The following ST8SIA2 variants were observed in gnomAD, a reference collection of about 807,000 sequenced individuals.
ST8SIA2 encodes ST8 alpha-N-acetyl-neuraminide alpha-2,8-sialyltransferase 2.
ST8SIA2 carries 22 observed loss-of-function variants against 37.6 expected under a neutral mutation model. The ratio of observed to expected loss-of-function variants is 0.58; its 90% CI spans 0.42 to 0.83. ST8SIA2 has a LOEUF of 0.83. Ranked by LOEUF, ST8SIA2 falls within the 40% of genes least tolerant of loss-of-function variation. The probability of loss-of-function intolerance (pLI) is 0.00; values close to 1 mark genes in which losing one functional copy is unlikely to be tolerated. For missense variants in ST8SIA2, 382 were observed against 484.7 expected (o/e 0.79, Z 1.99); for synonymous variants, 205 against 201.2 (o/e 1.02, Z -0.16).
rs75418327 is a variant in ST8SIA2 at position 92,452,102 on chromosome 15, T to C, written c.842+7173T>C. 9.6e-3 allele frequency among the ~76,000 whole-genome samples: 1,465 copies of C among 152,318 alleles called. 27 individuals carry two copies. Among genetic ancestry groups the C allele is most frequent in the African/African-American group, 0.033 (1,386 of 41,574 alleles). On this transcript the variant is annotated intron_variant, in intron 5 of 5. Transcript: ENST00000268164. The stretch of plus-strand genomic sequence containing the variant: ...CCTATATCTGTCTTTTCAGCAAAGA[T>C]GAGTCTTTTACTTGGATAGGGGAAC...
chr15:92,404,394 T>A lies in ST8SIA2; in HGVS notation c.98+10232T>A, dbSNP rs558456961. Among the ~76,000 whole-genome samples, 343 of 152,250 alleles carry A rather than the reference T, an allele frequency of 2.3e-3. 1 individual carries two copies. The highest frequency in any genetic ancestry group is 3.4e-3 in the Non-Finnish European group (229 of 68,020). The stretch of plus-strand genomic sequence containing the variant: ...ACCCAACTTACAGTGTTCTGAGGAT[T>A]AAATAAAACACAAATGGTGGGAATG... On this transcript the variant is annotated intron_variant, in intron 1 of 5. Coordinates refer to ENST00000268164, the MANE Select transcript of ST8SIA2 (RefSeq NM_006011.4).
At chr15:92,400,042 C>T (rs114054555) in intron 1 of ST8SIA2, among the ~76,000 whole-genome samples, 3,388 of 152,264 alleles carry the variant, frequency 0.022, 109 homozygotes, top group African/African-American at 0.075. Context: ...GGATTTCATA[C>T]CTCTGTGCCT....
chr15:92,439,653 C>T (rs1348351448), intron 4 of ST8SIA2, among the ~76,000 whole-genome samples: 1 of 152,194 alleles, frequency 6.6e-6, no homozygotes, highest in African/African-American at 2.4e-5. Flanking sequence ...CTCTTGCATC[C>T]TCTGGGATTG....
intron 1 of ST8SIA2, among the ~76,000 whole-genome samples, chr15:92,414,275 C>T (rs376040043): frequency 1.1e-4 from 17 of 152,338 alleles, no homozygotes; most frequent in African/African-American, 2.9e-4. Flanking sequence ...CTCTGCCTCT[C>T]GGATCTGACT....
At chr15:92,455,031 A>T (rs1203687385) in intron 5 of ST8SIA2, among the ~76,000 whole-genome samples, 1 of 152,170 alleles carries the variant, frequency 6.6e-6, no homozygotes, top group Non-Finnish European at 1.5e-5. Context: ...GCCTCTGGCC[A>T]GGGCCAGAGG....
At chr15:92,458,512 T>G (rs535132587) in intron 5 of ST8SIA2, among the ~76,000 whole-genome samples, 1 of 152,332 alleles carries the variant, frequency 6.6e-6, no homozygotes, top group African/African-American at 2.4e-5. Context: ...GTGTGGTCCC[T>G]GCGCTTGGGG....
chr15:92,408,165 A>C (rs2049521766), intron 1 of ST8SIA2, among the ~76,000 whole-genome samples: 1 of 152,120 alleles, frequency 6.6e-6, no homozygotes, highest in Non-Finnish European at 1.5e-5. Flanking sequence ...TGAATAAAAC[A>C]ACCTTATGAA....
At chr15:92,396,470 G>GTT (rs111488508) in intron 1 of ST8SIA2, among the ~76,000 whole-genome samples, 1,985 of 143,626 alleles carry the variant, frequency 0.014, 35 homozygotes, top group African/African-American at 0.046. Flanking sequence ...GTTTGTTTTT[G>GTT]TTTTTTTTTT....
chr15:92,440,924 G>A (rs2049796974), intron 4 of ST8SIA2, among the ~76,000 whole-genome samples: 1 of 152,216 alleles, frequency 6.6e-6, no homozygotes, highest in Non-Finnish European at 1.5e-5. Context: ...CATGGACTCT[G>A]TCTCCACTCC....
chr15:92,425,207 C>A (rs571046169), intron 1 of ST8SIA2, among the ~76,000 whole-genome samples: 1 of 152,260 alleles, frequency 6.6e-6, no homozygotes, highest in South Asian at 2.1e-4. Context: ...TGAGGCAAAA[C>A]CTAATTAGAA....
chr15:92,423,244 C>T (rs1394877828), intron 1 of ST8SIA2, among the ~76,000 whole-genome samples: 1 of 152,162 alleles, frequency 6.6e-6, no homozygotes, highest in African/African-American at 2.4e-5. Flanking sequence ...GTATTTAACA[C>T]CACCCAACTG....
At chr15:92,406,794 G>A (rs528585140) in intron 1 of ST8SIA2, among the ~76,000 whole-genome samples, 11 of 152,170 alleles carry the variant, frequency 7.2e-5, no homozygotes, top group African/African-American at 2.4e-4. Flanking sequence ...CCAGGAGTTC[G>A]AGACCAGTCT....
In ST8SIA2 at chr15:92,467,505, G is replaced by A. The variant is rs1219542556; in HGVS notation, c.*3120G>A. On this transcript the variant is annotated 3_prime_UTR_variant, in exon 6 of 6. Coordinates refer to ENST00000268164, the MANE Select transcript of ST8SIA2 (RefSeq NM_006011.4). Reference sequence around the variant, plus strand: ...TCTCCACGCCACTTGGCTCTGCAGCGACCCCTCCTAGACGCTCCCTGGCCC... The same window carrying A: ...TCTCCACGCCACTTGGCTCTGCAGCAACCCCTCCTAGACGCTCCCTGGCCC... 6.5e-6 allele frequency: 1 copy of A among 152,696 alleles called. No homozygotes were observed. Among genetic ancestry groups the A allele is most frequent in the African/African-American group, 2.4e-5 (1 of 41,380 alleles). The allele number at this position is 152,696 out of a possible 1,614,324, so 9.5% of individuals were successfully genotyped here.
At chr15:92,416,690 C>T (rs1442891366) in intron 1 of ST8SIA2, among the ~76,000 whole-genome samples, 1 of 152,122 alleles carries the variant, frequency 6.6e-6, no homozygotes, top group Non-Finnish European at 1.5e-5. Context: ...GTCTCCCTGC[C>T]AGGGTCCCGT....
intron 5 of ST8SIA2, among the ~76,000 whole-genome samples, chr15:92,451,568 G>A (rs761084268): frequency 6.6e-5 from 10 of 152,102 alleles, no homozygotes; most frequent in Non-Finnish European, 1.3e-4. Flanking sequence ...TTTTTCAGAA[G>A]GAAAGCAGAC....
intron 5 of ST8SIA2, among the ~76,000 whole-genome samples, chr15:92,455,356 T>C (rs767115198): frequency 6.6e-6 from 1 of 151,988 alleles, no homozygotes; most frequent in African/African-American, 2.4e-5. Context: ...ATGGATTCTC[T>C]CTCTCTCCAA....
chr15:92,458,471 G>A (rs1277317483), intron 5 of ST8SIA2, among the ~76,000 whole-genome samples: 3 of 152,328 alleles, frequency 2.0e-5, no homozygotes, highest in African/African-American at 7.2e-5. Context: ...TGAGCAAGAT[G>A]CCTTTGAATC....
chr15:92,422,083 A>AC (rs2049639049), intron 1 of ST8SIA2: 2 of 152,202 alleles, frequency 1.3e-5, no homozygotes, highest in South Asian at 4.1e-4. Flanking sequence ...CTCTTGTCCC[A>AC]TACAGCCTAA....
At chr15:92,410,393 T>C (rs1444201853) in intron 1 of ST8SIA2, among the ~76,000 whole-genome samples, 1 of 152,238 alleles carries the variant, frequency 6.6e-6, no homozygotes, top group African/African-American at 2.4e-5. Context: ...TGCCAGGCAC[T>C]GCATTTGACA....
Sources: gnomAD v4.1 joint callset for allele counts (sites outside exome capture counted in the v4.1 genomes callset) on GRCh38, gnomAD v4.1.1 for gene constraint, MANE v1.5 for transcripts, NCBI Gene and HGNC (gene_info 2026-07-23, HGNC 2026-07-21) for gene names.